Variants in CACNA1A observed in about 807,000 individuals in gnomAD.
The protein encoded by CACNA1A is calcium voltage-gated channel subunit alpha1 A.
CACNA1A carries 57 observed loss-of-function variants against 262.4 expected under a neutral mutation model. The observed-to-expected ratio is 0.22, with a 90% CI of 0.18 to 0.27. The LOEUF (loss-of-function observed/expected upper bound fraction) is 0.27. Among genes scored for constraint, CACNA1A ranks in the 10% least tolerant of loss-of-function variants. The pLI is 1.00. For synonymous variants in CACNA1A, 1,431 were observed against 1,419.3 expected (o/e 1.01, Z -0.18); for missense variants, 2,526 against 3,562.8 (o/e 0.71, Z 7.41).
chr19:13,402,547 A>T (rs1020907094), intron 3 of CACNA1A, among the ~76,000 whole-genome samples: 6 of 151,526 alleles, frequency 4.0e-5, no homozygotes, highest in African/African-American at 9.7e-5. Context: ...AAATAAAATT[A>T]AAAAAAAGAA....
At chr19:13,452,620 T>C (rs1469955133) in intron 3 of CACNA1A, 4 of 327,934 alleles carry the variant, frequency 1.2e-5, no homozygotes, top group Non-Finnish European at 2.2e-5. Context: ...AAGGATTAAA[T>C]TAGAGAATGG....
rs115555942 is a variant in CACNA1A, at chr19:13,303,198, C to T, written c.2172+348G>A. Among the ~76,000 whole-genome samples the T allele has an allele frequency of 4.9e-3, 748 of 152,256 alleles. 8 individuals are homozygous for T. Among genetic ancestry groups the T allele is most frequent in the African/African-American group, 0.017 (692 of 41,552 alleles). ...CCCAGCTCTGACTGGGTCCCCATAACAGCACTCCCTCTCCCATCCACTAGC... is the reference window on the plus strand; with the variant it reads ...CCCAGCTCTGACTGGGTCCCCATAATAGCACTCCCTCTCCCATCCACTAGC... On this transcript the variant is annotated intron_variant, in intron 17 of 46. Transcript: ENST00000360228.
rs111737794 is a variant in CACNA1A at position 13,426,241 on chromosome 19, G to A, written c.539+26635C>T. Among the ~76,000 whole-genome samples the A allele has an allele frequency of 3.2e-3, 488 of 152,186 alleles. 1 individual carries two copies. Among genetic ancestry groups the A allele is most frequent in the African/African-American group, 0.011 (466 of 41,542 alleles). Reference sequence around the variant, plus strand: ...TGGACACTGATTATAAAAATTCTTCGCATATTATGGGCTTTTTTTAGATTT... The same window carrying A: ...TGGACACTGATTATAAAAATTCTTCACATATTATGGGCTTTTTTTAGATTT... On this transcript the variant is annotated intron_variant, in intron 3 of 46. Transcript: ENST00000360228.
chr19:13,445,575 T>G (rs1464419184), intron 3 of CACNA1A, among the ~76,000 whole-genome samples: 1 of 152,162 alleles, frequency 6.6e-6, no homozygotes, highest in Non-Finnish European at 1.5e-5. Flanking sequence ...GAAAAAAAAT[T>G]GTGCTCACCC....
At chr19:13,255,071 T>A in intron 29 of CACNA1A, 24 bp downstream of exon 29, 1 of 1,609,512 alleles carries the variant, frequency 6.2e-7, no homozygotes, top group Non-Finnish European at 8.5e-7. Flanking sequence ...TAAGTAGTGC[T>A]GGGGGCTGGT....
chr19:13,485,550 C>T (rs1568694391), intron 1 of CACNA1A, among the ~76,000 whole-genome samples: 2 of 151,774 alleles, frequency 1.3e-5, no homozygotes, highest in Non-Finnish European at 2.9e-5. Flanking sequence ...GTGACCTAAT[C>T]AAAAATGGAC....
chr19:13,429,944 C>T (rs533572768), intron 3 of CACNA1A, among the ~76,000 whole-genome samples: 35 of 135,240 alleles, frequency 2.6e-4, no homozygotes, highest in South Asian at 1.3e-3. Context: ...ACTAGAACGG[C>T]GGGTGCCAGG....
chr19:13,499,685 A>G (rs1044728520), intron 1 of CACNA1A, among the ~76,000 whole-genome samples: 4 of 152,136 alleles, frequency 2.6e-5, no homozygotes, highest in African/African-American at 4.8e-5. Context: ...GCATGTCAAG[A>G]AATAGGCTCT....
chr19:13,496,442 C>T (rs1401864805), intron 1 of CACNA1A, among the ~76,000 whole-genome samples: 2 of 152,122 alleles, frequency 1.3e-5, no homozygotes, highest in African/African-American at 4.8e-5. Flanking sequence ...ATTGGAGAGT[C>T]TGGCAATGGG....
At chr19:13,309,906 A>C (rs1352530703) in intron 12 of CACNA1A, among the ~76,000 whole-genome samples, 2 of 151,834 alleles carry the variant, frequency 1.3e-5, no homozygotes, top group African/African-American at 4.8e-5. Context: ...TGCAACTATC[A>C]CCTCTATCAA....
intron 22 of CACNA1A, among the ~76,000 whole-genome samples, chr19:13,280,459 C>T (rs1247403528): frequency 6.6e-6 from 1 of 150,932 alleles, no homozygotes. Flanking sequence ...TCTCGAAGTG[C>T]TGGGATTATA....
rs1568509413 is a variant in CACNA1A, at chr19:13,299,152, C to T, written c.2481G>A (p.Pro827=). 5 of 1,613,272 alleles carry T rather than the reference C, an allele frequency of 3.1e-6. No individual in the cohort carries two copies. Among genetic ancestry groups the T allele is most frequent in the Non-Finnish European group, 3.4e-6 (4 of 1,179,872 alleles). ...TGGTGTTGTTGTTGCGGTTCTCCTG[C>T]GGGTCCACCACCAGCGGCCGGTCCA... ...THLDRPLVVD[P]QENRNNNTNK... Residue 827 remains proline, a synonymous_variant, in exon 19 of 47, where the codon CCG becomes CCA. Transcript: ENST00000360228.
chr19:13,210,518 G>A (rs1293846704), intron 44 of CACNA1A, 99 bp downstream of exon 44: 1 of 1,084,494 alleles, frequency 9.2e-7, no homozygotes, highest in Non-Finnish European at 1.4e-6. Flanking sequence ...AAAGGGTGGG[G>A]TCCGGGGACG....
chr19:13,499,440 CAGGGGGTGGT>C (rs1182113910), intron 1 of CACNA1A, among the ~76,000 whole-genome samples: 1 of 31,126 alleles, frequency 3.2e-5, no homozygotes, highest in Non-Finnish European at 5.8e-5. Context: ...TGACCAGTCG[CAGGGGGTGGT>C]GGGGGGGGGC....
At chr19:13,443,986 A>G (rs1185393807) in intron 3 of CACNA1A, among the ~76,000 whole-genome samples, 1 of 152,202 alleles carries the variant, frequency 6.6e-6, no homozygotes, top group Non-Finnish European at 1.5e-5. Context: ...TCAATAAATG[A>G]TAAGAATAAC....
At chr19:13,367,020 G>A (rs989903619) in intron 4 of CACNA1A, among the ~76,000 whole-genome samples, 3 of 143,594 alleles carry the variant, frequency 2.1e-5, no homozygotes, top group Non-Finnish European at 4.4e-5. Flanking sequence ...GGCAGGGCGC[G>A]GCGGCGGTTC....
At chr19:13,359,377 A>G (rs951662474) in intron 6 of CACNA1A, among the ~76,000 whole-genome samples, 10 of 152,196 alleles carry the variant, frequency 6.6e-5, no homozygotes, top group Admixed American at 3.3e-4. Context: ...ATGATGTTGC[A>G]TCTGGGGGCC....
At chr19:13,465,249 G>A (rs1035467428) in intron 1 of CACNA1A, among the ~76,000 whole-genome samples, 2 of 152,022 alleles carry the variant, frequency 1.3e-5, no homozygotes, top group African/African-American at 2.4e-5. Flanking sequence ...TTTTCTTCAA[G>A]GAGGGAGGGA....
chr19:13,444,834 G>A (rs1387786648), intron 3 of CACNA1A, among the ~76,000 whole-genome samples: 1 of 152,030 alleles, frequency 6.6e-6, no homozygotes, highest in African/African-American at 2.4e-5. Context: ...AGAATCCATG[G>A]AGCCTTAAAA....
Sources: gnomAD v4.1 joint callset for allele counts (sites outside exome capture counted in the v4.1 genomes callset) on GRCh38, gnomAD v4.1.1 for gene constraint, MANE v1.5 for transcripts, NCBI Gene and HGNC (gene_info 2026-07-23, HGNC 2026-07-21) for gene names.